Variants in PPARGC1A observed in about 807,000 individuals in gnomAD.
The protein encoded by PPARGC1A is peroxisome proliferator-activated receptor gamma coactivator 1-alpha.
PPARGC1A carries 25 observed loss-of-function variants against 88.7 expected under a neutral mutation model. That is an observed-to-expected ratio of 0.28 (90% CI 0.21 to 0.39). The LOEUF (loss-of-function observed/expected upper bound fraction) is 0.39. Among genes scored for constraint, PPARGC1A ranks in the 10% least tolerant of loss-of-function variants. The pLI is 1.00. For missense variants in PPARGC1A, 880 were observed against 968.7 expected (o/e 0.91, Z 1.22); for synonymous variants, 363 against 355.6 (o/e 1.02, Z -0.24).
the PPARGC1A span, among the ~76,000 whole-genome samples, chr4:24,063,574 A>G: frequency 6.6e-6 from 1 of 152,164 alleles, no homozygotes; most frequent in East Asian, 1.9e-4. Flanking sequence ...CTAGCGATAA[A>G]TATTAATGTC....
At chr4:24,392,819 T>C in the PPARGC1A span, among the ~76,000 whole-genome samples, 3 of 152,112 alleles carry the variant, frequency 2.0e-5, no homozygotes, top group Non-Finnish European at 2.9e-5. Flanking sequence ...TGAGCAAAGC[T>C]CCTTATCTAA....
chr4:24,380,712 A>C, the PPARGC1A span, among the ~76,000 whole-genome samples: 1 of 152,154 alleles, frequency 6.6e-6, no homozygotes, highest in African/African-American at 2.4e-5. Flanking sequence ...TAGTTAAGAA[A>C]CAGAATCGAC....
the PPARGC1A span, among the ~76,000 whole-genome samples, chr4:24,228,732 T>C: frequency 5.3e-5 from 8 of 152,228 alleles, no homozygotes; most frequent in Non-Finnish European, 1.2e-4. Context: ...GGATTTGACA[T>C]GGTCTTTGAG....
the PPARGC1A span, among the ~76,000 whole-genome samples, chr4:24,178,031 T>C: frequency 6.6e-6 from 1 of 152,222 alleles, no homozygotes; most frequent in African/African-American, 2.4e-5. Flanking sequence ...CATGCTTAAA[T>C]CGCCTCCACA....
upstream of PPARGC1A, among the ~76,000 whole-genome samples, chr4:23,891,851 C>G (rs140639317): frequency 6.9e-4 from 105 of 152,280 alleles, no homozygotes; most frequent in East Asian, 0.014. Context: ...ACTCTGCACT[C>G]CCCACAAAGA....
chr4:24,060,116 C>T, the PPARGC1A span, among the ~76,000 whole-genome samples: 1 of 152,190 alleles, frequency 6.6e-6, no homozygotes, highest in African/African-American at 2.4e-5. Flanking sequence ...CTGCAGCACA[C>T]AGCTTTAAGC....
intron 3 of PPARGC1A, 72 bp downstream of exon 3, chr4:23,831,485 C>T (rs1724990205): frequency 1.5e-6 from 2 of 1,357,040 alleles, no homozygotes; most frequent in African/African-American, 2.9e-5. Flanking sequence ...CTTATTGTGA[C>T]TACATCATAC....
the PPARGC1A span, among the ~76,000 whole-genome samples, chr4:24,164,433 A>C: frequency 1.3e-5 from 2 of 152,176 alleles, no homozygotes; most frequent in African/African-American, 2.4e-5. Flanking sequence ...TTTATAGTCC[A>C]CAGCTGGAAG....
chr4:24,089,806 G>A, the PPARGC1A span, among the ~76,000 whole-genome samples: 1 of 152,076 alleles, frequency 6.6e-6, no homozygotes. Context: ...CACCGTGCGC[G>A]GCCTAGGACG....
At chr4:23,838,589 T>C (rs1726469348) in intron 2 of PPARGC1A, among the ~76,000 whole-genome samples, 1 of 152,218 alleles carries the variant, frequency 6.6e-6, no homozygotes, top group South Asian at 2.1e-4. Context: ...ATTTCTTACA[T>C]ATGCCCTGAG....
chr4:24,044,981 AG>A, the PPARGC1A span, among the ~76,000 whole-genome samples: 1 of 152,172 alleles, frequency 6.6e-6, no homozygotes, highest in Non-Finnish European at 1.5e-5. Flanking sequence ...AGCCCTACTG[AG>A]CACAGAAGCT....
At chr4:24,383,513 A>G in the PPARGC1A span, among the ~76,000 whole-genome samples, 3 of 152,188 alleles carry the variant, frequency 2.0e-5, no homozygotes, top group African/African-American at 7.2e-5. Flanking sequence ...TAGAATAACC[A>G]GTTTAGAGAA....
At chr4:24,365,010 G>A in the PPARGC1A span, among the ~76,000 whole-genome samples, 1,052 of 152,078 alleles carry the variant, frequency 6.9e-3, 8 homozygotes, top group Non-Finnish European at 0.012. Flanking sequence ...CAGAGAAGGC[G>A]CCTTTTGTAA....
the PPARGC1A span, among the ~76,000 whole-genome samples, chr4:24,063,763 ACAGTCACCTG>A: frequency 1.3e-5 from 2 of 152,176 alleles, no homozygotes; most frequent in African/African-American, 4.8e-5. Flanking sequence ...ATGCATCTCG[ACAGTCACCTG>A]CAAGTCTGCT....
At chr4:24,053,113 C>T in the PPARGC1A span, among the ~76,000 whole-genome samples, 4 of 151,384 alleles carry the variant, frequency 2.6e-5, no homozygotes, top group African/African-American at 4.9e-5. Context: ...CCTCATGATC[C>T]GCCCGCCTCG....
chr4:24,306,899 C>A, the PPARGC1A span, among the ~76,000 whole-genome samples: 3 of 152,180 alleles, frequency 2.0e-5, no homozygotes, highest in African/African-American at 2.4e-5. Flanking sequence ...ACATTTCAAA[C>A]AAAATGTTAC....
chr4:24,413,751 A>G, the PPARGC1A span, among the ~76,000 whole-genome samples: 1 of 152,130 alleles, frequency 6.6e-6, no homozygotes, highest in Non-Finnish European at 1.5e-5. Flanking sequence ...GCCTGAGAAG[A>G]CCCTGATATT....
chr4:24,109,334 C>T, the PPARGC1A span, among the ~76,000 whole-genome samples: 1 of 150,078 alleles, frequency 6.7e-6, no homozygotes, highest in Non-Finnish European at 1.5e-5. Flanking sequence ...CACACACACA[C>T]ACACACTTTT....
the PPARGC1A span, among the ~76,000 whole-genome samples, chr4:23,977,818 A>G: frequency 6.6e-6 from 1 of 152,226 alleles, no homozygotes; most frequent in Non-Finnish European, 1.5e-5. Context: ...TTCGACGACT[A>G]AGATGGTACC....
Sources: gnomAD v4.1 joint callset for allele counts (sites outside exome capture counted in the v4.1 genomes callset) on GRCh38, gnomAD v4.1.1 for gene constraint, MANE v1.5 for transcripts, NCBI Gene and HGNC (gene_info 2026-07-23, HGNC 2026-07-21) for gene names.